The following VPS37A variants were observed in gnomAD, a reference collection of about 807,000 sequenced individuals.
VPS37A encodes the protein vacuolar protein sorting-associated protein 37A.
VPS37A carries 30 observed loss-of-function variants against 49.8 expected under a neutral mutation model. The ratio of observed to expected loss-of-function variants is 0.60; its 90% CI spans 0.45 to 0.82. VPS37A has a LOEUF of 0.82. Ranked by LOEUF, VPS37A falls within the 40% of genes least tolerant of loss-of-function variation. VPS37A has a pLI of 0.00. For missense variants in VPS37A, 593 were observed against 464.4 expected (o/e 1.28, Z -2.55); for synonymous variants, 195 against 160.6 (o/e 1.21, Z -1.62).
the VPS37A span, chr8:17,326,376 T>C: frequency 6.6e-6 from 1 of 152,188 alleles, no homozygotes; most frequent in Non-Finnish European, 1.5e-5. Flanking sequence ...CCGTGTCCAA[T>C]ACATAGTAAG....
intron 6 of VPS37A, among the ~76,000 whole-genome samples, chr8:17,278,703 G>T (rs1814753196): frequency 6.6e-6 from 1 of 151,762 alleles, no homozygotes; most frequent in South Asian, 2.1e-4. Flanking sequence ...TTTTGTTTTT[G>T]TTTTTTACAG....
intron 1 of VPS37A, among the ~76,000 whole-genome samples, chr8:17,253,622 T>G (rs887265684): frequency 2.0e-5 from 3 of 152,240 alleles, no homozygotes; most frequent in African/African-American, 7.2e-5. Flanking sequence ...TTTCCCTGAT[T>G]TACTTTTCTG....
intron 1 of VPS37A, chr8:17,247,708 C>T (rs975877348): frequency 2.8e-6 from 2 of 702,744 alleles, no homozygotes; most frequent in Non-Finnish European, 5.2e-6. Context: ...TTTCCCTTTG[C>T]CCACCTGATT....
At chr8:17,276,295 A>C (rs1193860935) in intron 5 of VPS37A, 102 bp from the exon 6 acceptor site, 1 of 847,898 alleles carries the variant, frequency 1.2e-6, no homozygotes, top group Non-Finnish European at 1.8e-6. Flanking sequence ...TGATAATGCA[A>C]ACAGTTATGG....
intron 3 of VPS37A, 140 bp downstream of exon 3, chr8:17,268,512 C>A: frequency 1.6e-6 from 1 of 626,590 alleles, no homozygotes; most frequent in Non-Finnish European, 2.7e-6. Flanking sequence ...TTTAAGACTA[C>A]GCCTTAAAGT....
chr8:17,247,090 C>T lies in VPS37A; in HGVS notation c.-155C>T, dbSNP rs1207269099. The T allele has an allele frequency of 1.1e-5, 11 of 962,102 alleles. No individual in the cohort carries two copies. Among genetic ancestry groups the T allele is most frequent in the Admixed American group, 2.8e-5 (1 of 36,262 alleles). The allele number at this position is 962,102 out of a possible 1,614,324, so 59.6% of individuals were successfully genotyped here. Reference sequence around the variant, plus strand: ...AGCATGTCCCCCAGAACTCGGGGAGCGCAGGCAGGACAGGCTTAGAGAAGA... The same window carrying T: ...AGCATGTCCCCCAGAACTCGGGGAGTGCAGGCAGGACAGGCTTAGAGAAGA... On this transcript the variant is annotated 5_prime_UTR_variant, in exon 1 of 12. Transcript: ENST00000324849.
intron 5 of VPS37A, 34 bp downstream of exon 5, chr8:17,274,992 C>G (rs764275061): frequency 3.2e-6 from 5 of 1,581,058 alleles, no homozygotes; most frequent in Admixed American, 3.3e-5. Context: ...TTTTGTGCCA[C>G]TGAAACATTC....
chr8:17,247,298 C>G lies in VPS37A; in HGVS notation c.54C>G (p.Ser18=). 2.6e-6 allele frequency: 4 copies of G among 1,565,144 alleles called. No individual in the cohort carries two copies. The highest frequency in any genetic ancestry group is 3.5e-6 in the Non-Finnish European group (4 of 1,155,008). ...GCGCCTCCTCCTCCGCGGCTGGGTC[C>G]CCCGGTGGCCTCACCAGCCTCCAGC... is the stretch of plus-strand genomic sequence containing the variant. The part of the protein sequence containing the change: ...TKSASSSAAG[S]PGGLTSLQQQ... The change falls in exon 1 of 12, where the codon TCC becomes TCG. Residue 18 remains serine, a synonymous_variant. Coordinates refer to ENST00000324849, the MANE Select transcript of VPS37A (RefSeq NM_152415.3).
chr8:17,280,067 A>G lies in VPS37A; in HGVS notation c.753A>G (p.Val251=). 6.2e-7 allele frequency: 1 copy of G among 1,612,336 alleles called. No individual in the cohort carries two copies. The highest frequency in any genetic ancestry group is 8.5e-7 in the Non-Finnish European group (1 of 1,179,186). The change falls in exon 7 of 12, where the codon GTA becomes GTG. Residue 251 remains valine (V), a synonymous_variant. Coordinates refer to ENST00000324849, the MANE Select transcript of VPS37A (RefSeq NM_152415.3). ...QLTDMNEQEE[V]LLEQFLTLPQ... Reference sequence around the variant, plus strand: ...CAGATATGAATGAACAAGAGGAGGTATTACTAGAACAGTTTCTGACTTTGC... The same window carrying G: ...CAGATATGAATGAACAAGAGGAGGTGTTACTAGAACAGTTTCTGACTTTGC...
At chr8:17,331,272 A>G in the VPS37A span, 3 of 1,606,746 alleles carry the variant, frequency 1.9e-6, no homozygotes, top group Non-Finnish European at 2.5e-6. Flanking sequence ...ACGATTTGCC[A>G]TTGCATTAAG....
At chr8:17,259,609 A>C (rs543810806) in intron 1 of VPS37A, among the ~76,000 whole-genome samples, 17 of 152,224 alleles carry the variant, frequency 1.1e-4, no homozygotes, top group African/African-American at 3.8e-4. Flanking sequence ...GTGAAGTTTA[A>C]CTTTGGTGTT....
At chr8:17,278,899 G>A (rs967076660) in intron 6 of VPS37A, among the ~76,000 whole-genome samples, 7 of 151,864 alleles carry the variant, frequency 4.6e-5, no homozygotes, top group African/African-American at 1.2e-4. Flanking sequence ...ATTATCCAAC[G>A]TTTTTATATG....
chr8:17,305,778 T>C (rs771746332), downstream of VPS37A: 20 of 1,612,530 alleles, frequency 1.2e-5, no homozygotes, highest in Admixed American at 3.2e-4. Context: ...TCTCTCCTTT[T>C]GGCTGTTACA....
chr8:17,265,713 T>C (rs1813386121), intron 1 of VPS37A, 194 bp from the exon 2 acceptor site: 1 of 1,445,336 alleles, frequency 6.9e-7, no homozygotes, highest in Admixed American at 2.0e-5. Flanking sequence ...GTTTAGAATG[T>C]TACTGTGTGC....
chr8:17,250,234 C>G (rs914012013), intron 1 of VPS37A, among the ~76,000 whole-genome samples: 5 of 152,144 alleles, frequency 3.3e-5, no homozygotes, highest in African/African-American at 9.7e-5. Flanking sequence ...GCCCTCCAGA[C>G]TCCTTTAATT....
At chr8:17,271,399 A>G (rs897257676) in intron 4 of VPS37A, among the ~76,000 whole-genome samples, 1 of 152,122 alleles carries the variant, frequency 6.6e-6, no homozygotes, top group African/African-American at 2.4e-5. Flanking sequence ...AGGTCAGGAG[A>G]TCGAGACCAT....
chr8:17,264,542 C>T (rs970965517), intron 1 of VPS37A, among the ~76,000 whole-genome samples: 2 of 152,164 alleles, frequency 1.3e-5, no homozygotes, highest in South Asian at 4.1e-4. Flanking sequence ...AGCTTATCTA[C>T]ATCTACAGTT....
At chr8:17,311,560 A>C in the VPS37A span, 1 of 1,614,150 alleles carries the variant, frequency 6.2e-7, no homozygotes, top group East Asian at 2.2e-5. Flanking sequence ...CAGGCTTGCC[A>C]CCGAGCACAC....
chr8:17,292,651 C>A (rs887163361), intron 11 of VPS37A, among the ~76,000 whole-genome samples: 1 of 152,160 alleles, frequency 6.6e-6, no homozygotes. Flanking sequence ...GTAAGGCAGT[C>A]CTCGTGGTGA....
Sources: gnomAD v4.1 joint callset for allele counts (sites outside exome capture counted in the v4.1 genomes callset) on GRCh38, gnomAD v4.1.1 for gene constraint, MANE v1.5 for transcripts, NCBI Gene and HGNC (gene_info 2026-07-23, HGNC 2026-07-21) for gene names.